The following LRP1B variants were observed in gnomAD, a reference collection of about 807,000 sequenced individuals.
The protein encoded by LRP1B is low-density lipoprotein receptor-related protein 1B.
A neutral mutation model predicts 556.6 loss-of-function variants in LRP1B; 217 were observed. The ratio of observed to expected loss-of-function variants is 0.39; its 90% CI spans 0.35 to 0.44. The LOEUF is 0.44. LRP1B is among the 20% of genes least tolerant of loss of function. The pLI, the probability that LRP1B is intolerant of heterozygous loss-of-function variation, is 1.00. For synonymous variants in LRP1B, 2,047 were observed against 1,865.8 expected (o/e 1.10, Z -2.50); for missense variants, 5,053 against 5,620.8 (o/e 0.90, Z 3.23).
intron 3 of LRP1B, among the ~76,000 whole-genome samples, chr2:141,423,794 TG>T (rs1354221649): frequency 6.7e-6 from 1 of 149,044 alleles, no homozygotes; most frequent in African/African-American, 2.4e-5. Flanking sequence ...AATATACTAC[TG>T]TTTTCATTAT....
At chr2:141,733,433 C>G (rs893882280) in intron 2 of LRP1B, among the ~76,000 whole-genome samples, 1 of 152,092 alleles carries the variant, frequency 6.6e-6, no homozygotes, top group Non-Finnish European at 1.5e-5. Context: ...TCTCACCTGA[C>G]TATTATAGCC....
At chr2:140,452,961 G>GTGT (rs1553467919) in intron 62 of LRP1B, among the ~76,000 whole-genome samples, 235 of 126,670 alleles carry the variant, frequency 1.9e-3, no homozygotes, top group Admixed American at 6.8e-3. Context: ...GTGTGTGTGT[G>GTGT]TTTTTTTTTT....
At chr2:141,317,798 T>C (rs2105463810) in intron 3 of LRP1B, among the ~76,000 whole-genome samples, 1 of 152,218 alleles carries the variant, frequency 6.6e-6, no homozygotes, top group Middle Eastern at 3.4e-3. Flanking sequence ...TTGTGAAAAT[T>C]TGGGAAGATC....
intron 7 of LRP1B, among the ~76,000 whole-genome samples, chr2:141,065,856 G>GCCC (rs1204371543): frequency 1.3e-5 from 2 of 151,756 alleles, no homozygotes; most frequent in Non-Finnish European, 2.9e-5. Flanking sequence ...GGAACCAAGG[G>GCCC]CCCCCAGGTT....
chr2:140,304,343 T>A (rs185679726), intron 83 of LRP1B, among the ~76,000 whole-genome samples: 1 of 152,282 alleles, frequency 6.6e-6, no homozygotes, highest in Non-Finnish European at 1.5e-5. Flanking sequence ...TTTTTAATGA[T>A]CACCATTCTA....
At chr2:140,845,928 A>G (rs1692260986) in intron 29 of LRP1B, among the ~76,000 whole-genome samples, 2 of 152,176 alleles carry the variant, frequency 1.3e-5, no homozygotes, top group Non-Finnish European at 2.9e-5. Context: ...TAGAGTTTAC[A>G]AATTATAGAG....
rs370458217 is a variant in LRP1B, at chr2:140,598,615, T to A, written c.7194+16A>T. 3.8e-6 allele frequency: 6 copies of A among 1,592,500 alleles called. No homozygotes were observed. Among genetic ancestry groups the A allele is most frequent in the African/African-American group, 2.7e-5 (2 of 74,444 alleles). ...ATTGTATAACTCTATAACCAAGAAA[T>A]TCCTGATTAACTTACATGTCTCTGG... On this transcript the variant is annotated intron_variant, in intron 43 of 90. Transcript: ENST00000389484.
At chr2:141,328,111 C>A (rs1465035154) in intron 3 of LRP1B, among the ~76,000 whole-genome samples, 1 of 152,162 alleles carries the variant, frequency 6.6e-6, no homozygotes, top group East Asian at 1.9e-4. Context: ...ATACATGCCT[C>A]TATATACTAG....
At chr2:140,588,250 G>T (rs1682066662) in intron 43 of LRP1B, among the ~76,000 whole-genome samples, 2 of 152,290 alleles carry the variant, frequency 1.3e-5, no homozygotes, top group South Asian at 4.1e-4. Context: ...TAACACTGTT[G>T]TGTGCAGAGT....
At chr2:141,908,708 G>A (rs1699826651) in intron 1 of LRP1B, among the ~76,000 whole-genome samples, 1 of 151,988 alleles carries the variant, frequency 6.6e-6, no homozygotes, top group African/African-American at 2.4e-5. Context: ...GTGATGGAAT[G>A]GCTAGGTCAA....
intron 31 of LRP1B, among the ~76,000 whole-genome samples, chr2:140,836,108 C>T (rs1407677298): frequency 6.6e-6 from 1 of 152,040 alleles, no homozygotes; most frequent in Non-Finnish European, 1.5e-5. Context: ...GATGTAGGCT[C>T]TTCTAAATTT....
chr2:141,989,487 T>C (rs1372030591), intron 1 of LRP1B, among the ~76,000 whole-genome samples: 2 of 152,098 alleles, frequency 1.3e-5, no homozygotes, highest in African/African-American at 4.8e-5. Context: ...TATATATATG[T>C]CAGTTTTTCT....
At chr2:140,819,170 A>C (rs1181259765) in intron 31 of LRP1B, among the ~76,000 whole-genome samples, 1 of 152,118 alleles carries the variant, frequency 6.6e-6, no homozygotes. Context: ...AAAGCATGAA[A>C]TAAATGTTAG....
At chr2:140,368,337 TC>T (rs1290116712) in intron 71 of LRP1B, among the ~76,000 whole-genome samples, 2 of 151,816 alleles carry the variant, frequency 1.3e-5, no homozygotes, top group African/African-American at 4.8e-5. Context: ...GTCAAGTGCA[TC>T]ATCACAGAAA....
chr2:140,966,577 G>A (rs1045782944), intron 18 of LRP1B, among the ~76,000 whole-genome samples: 2 of 152,158 alleles, frequency 1.3e-5, no homozygotes, highest in African/African-American at 4.8e-5. Context: ...TTTGTCTTTT[G>A]TTGCCATTGC....
intron 3 of LRP1B, among the ~76,000 whole-genome samples, chr2:141,282,495 G>A (rs571402772): frequency 6.8e-6 from 1 of 146,148 alleles, no homozygotes; most frequent in Admixed American, 6.8e-5. Context: ...ATATGTATAT[G>A]TATATGTATA....
At chr2:140,322,165 C>G (rs556261381) in intron 81 of LRP1B, 77 bp from the exon 82 acceptor site, 74 of 1,356,656 alleles carry the variant, frequency 5.5e-5, no homozygotes, top group Non-Finnish European at 7.3e-5. Context: ...TTAAATAAGG[C>G]GAAATGATTA....
At position 140,770,918 on chromosome 2, in the gene LRP1B, C is replaced by T; in HGVS notation, c.5589G>A (p.Val1863=). Residue 1863 remains valine, a synonymous_variant, in exon 34 of 91, where the codon GTG becomes GTA. Transcript: ENST00000389484. ...TACGGTTCTTTTGGAGATAATATCC[C>T]ACTGTACACATACAAGTCCTTGTAG... is the stretch of plus-strand genomic sequence containing the variant. ...SETTRTCMCT[V]GYYLQKNRMS... The T allele has an allele frequency of 1.9e-6, 3 of 1,575,312 alleles. No homozygotes were observed. The highest frequency in any genetic ancestry group is 2.6e-6 in the Non-Finnish European group (3 of 1,165,002).
At chr2:141,431,485 T>C (rs1348952889) in intron 3 of LRP1B, among the ~76,000 whole-genome samples, 2 of 152,180 alleles carry the variant, frequency 1.3e-5, no homozygotes, top group Non-Finnish European at 2.9e-5. Flanking sequence ...CTTGCAACTG[T>C]ATAAACATTT....
Sources: gnomAD v4.1 joint callset for allele counts (sites outside exome capture counted in the v4.1 genomes callset) on GRCh38, gnomAD v4.1.1 for gene constraint, MANE v1.5 for transcripts, NCBI Gene and HGNC (gene_info 2026-07-23, HGNC 2026-07-21) for gene names.